Variants in HPSE2 observed in about 807,000 individuals in gnomAD.
HPSE2 encodes heparanase 2 (inactive).
Under a neutral mutation model 60.5 loss-of-function variants are expected in HPSE2, and 38 were observed. The observed-to-expected ratio is 0.63, with a 90% CI of 0.48 to 0.82. HPSE2 has a LOEUF of 0.82. Among genes scored for constraint, HPSE2 ranks in the 40% least tolerant of loss-of-function variants. The pLI is 0.00. For missense variants in HPSE2, 713 were observed against 740.4 expected (o/e 0.96, Z 0.43); for synonymous variants, 295 against 293.2 (o/e 1.01, Z -0.06).
At chr10:98,560,346 G>A (rs1192792753) in intron 9 of HPSE2, among the ~76,000 whole-genome samples, 1 of 152,202 alleles carries the variant, frequency 6.6e-6, no homozygotes, top group Non-Finnish European at 1.5e-5. Context: ...GTGACTGGAT[G>A]AGCTGGCTTC....
chr10:98,778,452 T>A (rs1456077701), intron 3 of HPSE2, among the ~76,000 whole-genome samples: 1 of 152,010 alleles, frequency 6.6e-6, no homozygotes, highest in Non-Finnish European at 1.5e-5. Flanking sequence ...CTGTGGCATA[T>A]CTACACAGTT....
intron 3 of HPSE2, among the ~76,000 whole-genome samples, chr10:98,979,725 A>G (rs928780387): frequency 6.6e-6 from 1 of 152,192 alleles, no homozygotes; most frequent in Admixed American, 6.5e-5. Context: ...ATAGTACAGA[A>G]CTACTACAGA....
intron 9 of HPSE2, among the ~76,000 whole-genome samples, chr10:98,541,871 G>A (rs1943476945): frequency 6.6e-6 from 1 of 152,218 alleles, no homozygotes; most frequent in Admixed American, 6.5e-5. Flanking sequence ...TGCCTCTGTA[G>A]GCTCCATCTC....
At chr10:98,824,445 T>C (rs1951496059) in intron 3 of HPSE2, among the ~76,000 whole-genome samples, 2 of 152,206 alleles carry the variant, frequency 1.3e-5, no homozygotes, top group Non-Finnish European at 2.9e-5. Context: ...AAAATTTTTC[T>C]TCATTTTTAT....
At chr10:99,040,061 T>C (rs1284722187) in intron 3 of HPSE2, among the ~76,000 whole-genome samples, 1 of 152,246 alleles carries the variant, frequency 6.6e-6, no homozygotes, top group Non-Finnish European at 1.5e-5. Context: ...ATTGATTACA[T>C]ACACACATAT....
In HPSE2 at chr10:98,735,812, T is replaced by C. The variant is rs567836655; in HGVS notation, c.784+8071A>G. The stretch of plus-strand genomic sequence containing the variant: ...ACAGCTGTATTTATCCAATGCCTGT[T>C]CTACCATTTATCTAGGAAGTAACTA... On this transcript the variant is annotated intron_variant, in intron 4 of 11. Coordinates refer to ENST00000370552, the MANE Select transcript of HPSE2 (RefSeq NM_021828.5). 2.0e-5 allele frequency among the ~76,000 whole-genome samples: 3 copies of C among 152,318 alleles called. No homozygotes were observed. In the South Asian group the frequency reaches 6.2e-4, roughly 32 times the overall value.
intron 5 of HPSE2, among the ~76,000 whole-genome samples, chr10:98,706,172 T>C (rs181098820): frequency 1.5e-4 from 23 of 152,306 alleles, no homozygotes; most frequent in African/African-American, 4.6e-4. Context: ...CAGGTTCTGA[T>C]TCCAAATCCG....
chr10:98,610,948 G>A (rs1945738818), intron 9 of HPSE2, among the ~76,000 whole-genome samples: 1 of 152,186 alleles, frequency 6.6e-6, no homozygotes, highest in Non-Finnish European at 1.5e-5. Context: ...CCCTCTCTGA[G>A]GAGAAATGCC....
At chr10:98,725,736 C>T (rs1949057707) in intron 4 of HPSE2, among the ~76,000 whole-genome samples, 1 of 152,200 alleles carries the variant, frequency 6.6e-6, no homozygotes, top group South Asian at 2.1e-4. Context: ...TTGCAACCTA[C>T]TCATCTGACA....
chr10:99,035,950 G>A (rs543909966), intron 3 of HPSE2, among the ~76,000 whole-genome samples: 1 of 152,302 alleles, frequency 6.6e-6, no homozygotes, highest in Admixed American at 6.5e-5. Context: ...GGTGGCCTAT[G>A]CCTGTAATCC....
At chr10:98,971,183 G>T (rs985769918) in intron 3 of HPSE2, among the ~76,000 whole-genome samples, 14 of 152,126 alleles carry the variant, frequency 9.2e-5, no homozygotes, top group Admixed American at 4.6e-4. Flanking sequence ...CTACATGTGA[G>T]GCACCAGAGT....
chr10:98,647,367 T>G (rs1357667374), intron 6 of HPSE2, among the ~76,000 whole-genome samples: 3 of 152,244 alleles, frequency 2.0e-5, no homozygotes, highest in African/African-American at 7.2e-5. Context: ...AAGAAAAACC[T>G]TTGCCCTTTA....
chr10:99,044,695 A>C (rs1035977421), intron 3 of HPSE2, among the ~76,000 whole-genome samples: 8 of 146,072 alleles, frequency 5.5e-5, no homozygotes, highest in South Asian at 2.1e-4. Flanking sequence ...AACAAACAAA[A>C]AAAATAGCAG....
the HPSE2 span, among the ~76,000 whole-genome samples, chr10:99,260,003 C>T: frequency 4.6e-5 from 7 of 152,156 alleles, no homozygotes; most frequent in Non-Finnish European, 1.0e-4. Context: ...TAACCTGGTT[C>T]CTGGTGCCAA....
chr10:99,136,509 G>A lies in HPSE2; in HGVS notation c.610+7729C>T, dbSNP rs541772735. ...ATCCTCAATAAAATACTGGCAAACC[G>A]AATCCAGCAGCACATCCAAAAGCTT... On this transcript the variant is annotated intron_variant, in intron 3 of 11. Transcript: ENST00000370552. Among the ~76,000 whole-genome samples the A allele has an allele frequency of 1.2e-4, 18 of 152,180 alleles. No homozygotes were observed. The South Asian group carries it at 2.1e-3, about 18-fold the overall frequency.
At chr10:99,197,236 G>A (rs1848431333) in intron 2 of HPSE2, among the ~76,000 whole-genome samples, 1 of 152,118 alleles carries the variant, frequency 6.6e-6, no homozygotes, top group Non-Finnish European at 1.5e-5. Context: ...GGTCATGGGG[G>A]GTTGGCAGGG....
At chr10:98,755,710 T>A (rs1156778094) in intron 3 of HPSE2, among the ~76,000 whole-genome samples, 1 of 152,090 alleles carries the variant, frequency 6.6e-6, no homozygotes, top group Non-Finnish European at 1.5e-5. Context: ...ACTAAACAGA[T>A]CTCTTGGCTG....
intron 11 of HPSE2, among the ~76,000 whole-genome samples, chr10:98,473,220 CA>C (rs1940852511): frequency 6.6e-6 from 1 of 151,996 alleles, no homozygotes; most frequent in Non-Finnish European, 1.5e-5. Context: ...CGCGGTGGCT[CA>C]TGTCTATAGT....
At chr10:98,820,710 A>G (rs1318425864) in intron 3 of HPSE2, among the ~76,000 whole-genome samples, 4 of 152,204 alleles carry the variant, frequency 2.6e-5, no homozygotes, top group Admixed American at 6.5e-5. Flanking sequence ...ATTGAGTTCA[A>G]CACAGACCCA....
Sources: gnomAD v4.1 joint callset for allele counts (sites outside exome capture counted in the v4.1 genomes callset) on GRCh38, gnomAD v4.1.1 for gene constraint, MANE v1.5 for transcripts, NCBI Gene and HGNC (gene_info 2026-07-23, HGNC 2026-07-21) for gene names.